Variants in RSRP1 observed in about 807,000 individuals in gnomAD.
RSRP1 encodes the protein arginine and serine rich protein 1.
Under a neutral mutation model 33.0 loss-of-function variants are expected in RSRP1, and 37 were observed. That is an observed-to-expected ratio of 1.12 (90% CI 0.86 to 1.48). RSRP1 has a LOEUF of 1.48. Among genes scored for constraint, RSRP1 ranks in the 40% most tolerant of loss-of-function variants. The pLI is 0.00. For missense variants in RSRP1, 402 were observed against 385.3 expected (o/e 1.04, Z -0.36); for synonymous variants, 167 against 158.7 (o/e 1.05, Z -0.40).
Position 25,311,660 on chromosome 1 carries a change from A to G in RSRP1, c.-67+26318T>C, listed in dbSNP as rs569275199. 8.5e-5 allele frequency among the ~76,000 whole-genome samples: 11 copies of G among 129,888 alleles called. 1 individual carries two copies. The East Asian group carries it at 2.2e-3, about 26-fold the overall frequency. The allele number at this position is 129,888 out of a possible 152,430, so 85.2% of individuals were successfully genotyped here. Reference sequence around the variant, plus strand: ...ACTGCCCCTCCCATTACTGGCCCAGAGCTCTAAGAGGGCAGAATGGTTTGG... The same window carrying G: ...ACTGCCCCTCCCATTACTGGCCCAGGGCTCTAAGAGGGCAGAATGGTTTGG... On this transcript the variant is annotated intron_variant, in intron 1 of 1. Transcript: ENST00000561867.
chr1:25,315,141 C>T (rs563934993), intron 1 of RSRP1, among the ~76,000 whole-genome samples: 1 of 129,360 alleles, frequency 7.7e-6, no homozygotes, highest in Non-Finnish European at 1.8e-5. Flanking sequence ...GGTGACACAG[C>T]AAGACTCCAT....
intron 3 of RSRP1, chr1:25,244,327 T>C (rs1316481555): frequency 7.8e-7 from 1 of 1,288,038 alleles, no homozygotes; most frequent in Non-Finnish European, 1.0e-6. Flanking sequence ...TTTAATACTT[T>C]ATGCAAATAG....
At chr1:25,335,918 C>T (rs1198399577) in intron 1 of RSRP1, 2 of 31,890 alleles carry the variant, frequency 6.3e-5, no homozygotes, top group Admixed American at 8.1e-4. Context: ...CTTCAGCCTC[C>T]CGAGTAGTTG....
Position 25,280,544 on chromosome 1 carries a change from G to A in RSRP1, c.-66-33515C>T, listed in dbSNP as rs1298635190. Among the ~76,000 whole-genome samples, 25 of 126,578 alleles carry A rather than the reference G, an allele frequency of 2.0e-4. 4 individuals carry two copies. Among genetic ancestry groups the A allele is most frequent in the Admixed American group, 1.8e-3 (23 of 12,938 alleles). 83.0% of individuals were successfully genotyped at this position (126,578 alleles called of 152,430 possible). ...TGGTCTCAAACTCCTGACTTCAAGT[G>A]ATCTGCCCACCTCAGCCTCCCAAAG... On this transcript the variant is annotated intron_variant, in intron 1 of 1. Coordinates refer to the RSRP1 transcript ENST00000561867.
chr1:25,299,965 G>T lies in RSRP1; in HGVS notation c.-67+38013C>A, dbSNP rs538217694. On this transcript the variant is annotated intron_variant, in intron 1 of 1. Coordinates refer to the RSRP1 transcript ENST00000561867. ...GGGTTTTGCCATGTTGGCCAGGCTG[G>T]TATCGAACTCCTGACCTCAGGTGAT... Among the ~76,000 whole-genome samples the T allele has an allele frequency of 1.3e-3, 176 of 130,864 alleles. 27 individuals carry two copies. The highest frequency in any genetic ancestry group is 4.5e-3 in the African/African-American group (170 of 38,028). The allele number at this position is 130,864 out of a possible 152,430, so 85.9% of individuals were successfully genotyped here. A position where few individuals can be genotyped will look rare whatever the true frequency, so the allele number is the denominator to read the frequency against.
intron 1 of RSRP1, among the ~76,000 whole-genome samples, chr1:25,275,629 G>A (rs2124589090): frequency 7.5e-6 from 1 of 132,664 alleles, no homozygotes; most frequent in South Asian, 2.3e-4. Flanking sequence ...TATTTTGTAT[G>A]TTACAATAAA....
At chr1:25,331,626 G>C (rs1645008940) in intron 1 of RSRP1, among the ~76,000 whole-genome samples, 1 of 109,180 alleles carries the variant, frequency 9.2e-6, no homozygotes, top group South Asian at 2.9e-4. Flanking sequence ...GGAGTGCAGT[G>C]GTGCAATCTC....
intron 1 of RSRP1, among the ~76,000 whole-genome samples, chr1:25,317,896 G>A (rs1644493006): frequency 8.6e-6 from 1 of 116,178 alleles, no homozygotes; most frequent in Non-Finnish European, 2.0e-5. Flanking sequence ...TGAGGAGCAG[G>A]CCCTTATAAA....
chr1:25,244,238 C>T (rs1309460594), intron 3 of RSRP1: 3 of 1,289,012 alleles, frequency 2.3e-6, no homozygotes, highest in Admixed American at 2.3e-5. Context: ...GAATATATTG[C>T]ATATATTATG....
intron 3 of RSRP1, 142 bp from the exon 4 acceptor site, chr1:25,243,775 CTAT>C (rs1639107098): frequency 7.1e-7 from 1 of 1,411,676 alleles, no homozygotes; most frequent in Admixed American, 2.9e-5. Context: ...AGTAACAGAA[CTAT>C]TGAGTTTTCC....
chr1:25,314,612 T>A (rs572187770), intron 1 of RSRP1, among the ~76,000 whole-genome samples: 1 of 132,426 alleles, frequency 7.6e-6, no homozygotes, highest in African/African-American at 2.6e-5. Context: ...TCATACTTCA[T>A]CCTCCTGAGT....
At position 25,311,023 on chromosome 1, in the gene RSRP1, G is replaced by A. The variant is rs1378221094; in HGVS notation, c.-67+26955C>T. On this transcript the variant is annotated intron_variant, in intron 1 of 1. Transcript: ENST00000561867. ...AGAATGGAGCATTAAAGACAGTTCT[G>A]CAGTTCTGGTGAGGGCTTAAAGGAA... 1.7e-4 allele frequency among the ~76,000 whole-genome samples: 22 copies of A among 130,244 alleles called. 3 individuals are homozygous for A. The highest frequency in any genetic ancestry group is 3.7e-4 in the Admixed American group (5 of 13,412). The allele number at this position is 130,244 out of a possible 152,430, so 85.4% of individuals were successfully genotyped here. A position where few individuals can be genotyped will look rare whatever the true frequency, so the allele number is the denominator to read the frequency against.
In RSRP1 at chr1:25,259,011, C is replaced by T. The variant is rs548999925; in HGVS notation, c.-66-11982G>A. Among the ~76,000 whole-genome samples, 78 of 152,228 alleles carry T rather than the reference C, an allele frequency of 5.1e-4. 1 individual carries two copies. In the East Asian group the frequency reaches 0.015, roughly 29 times the overall value. On this transcript the variant is annotated intron_variant, in intron 1 of 1. Coordinates refer to the RSRP1 transcript ENST00000561867. Reference sequence around the variant, plus strand: ...AACAATAAAATACAGCCATGTACCACATAACAACATCTTGGTAAACAACAG... The same window carrying T: ...AACAATAAAATACAGCCATGTACCATATAACAACATCTTGGTAAACAACAG...
intron 1 of RSRP1, among the ~76,000 whole-genome samples, chr1:25,271,011 G>T (rs370680900): frequency 7.7e-6 from 1 of 130,026 alleles, no homozygotes; most frequent in Non-Finnish European, 1.8e-5. Context: ...TCACTAAACA[G>T]TCTATCCTCT....
chr1:25,305,583 T>TTTG (rs200713124), intron 1 of RSRP1, among the ~76,000 whole-genome samples: 3,271 of 118,894 alleles, frequency 0.028, 416 homozygotes, highest in East Asian at 0.15. Flanking sequence ...GTGTATGTAT[T>TTTG]TTGTTGTTGT....
At chr1:25,244,173 A>G in intron 3 of RSRP1, 1 of 1,288,886 alleles carries the variant, frequency 7.8e-7, no homozygotes, top group Non-Finnish European at 1.0e-6. Flanking sequence ...GAATTATAAT[A>G]AACTTATCTG....
rs1193173869 is a variant in RSRP1, at chr1:25,330,301, C to A, written c.-67+7677G>T. On this transcript the variant is annotated intron_variant, in intron 1 of 1. Transcript: ENST00000561867. The stretch of plus-strand genomic sequence containing the variant: ...CATTGCTTAAGAAACACATAAACAC[C>A]ATTTAGTCACTGAACATAGCTATAT... 6 of 132,874 alleles carry A rather than the reference C, an allele frequency of 4.5e-5. 1 individual carries two copies. Among genetic ancestry groups the A allele is most frequent in the South Asian group, 2.3e-4 (1 of 4,394 alleles). 8.2% of individuals were successfully genotyped at this position (132,874 alleles called of 1,614,324 possible). A position where few individuals can be genotyped will look rare whatever the true frequency, so the allele number is the denominator to read the frequency against.
chr1:25,253,285 A>G (rs753234736), intron 1 of RSRP1: 2 of 152,238 alleles, frequency 1.3e-5, no homozygotes, highest in Non-Finnish European at 2.9e-5. Context: ...GAGAAATCAC[A>G]TAGATCTAAT....
chr1:25,316,084 T>TGAAC (rs1474019250), intron 1 of RSRP1, among the ~76,000 whole-genome samples: 1 of 130,966 alleles, frequency 7.6e-6, no homozygotes, highest in East Asian at 1.9e-4. Flanking sequence ...GGGGCTGCAG[T>TGAAC]GAACGGGCTG....
Sources: gnomAD v4.1 joint callset for allele counts (sites outside exome capture counted in the v4.1 genomes callset) on GRCh38, gnomAD v4.1.1 for gene constraint, MANE v1.5 for transcripts, NCBI Gene and HGNC (gene_info 2026-07-23, HGNC 2026-07-21) for gene names.